Variants in SAMD8 observed in about 807,000 individuals in gnomAD.
SAMD8 encodes the protein sterile alpha motif domain containing 8.
SAMD8 carries 20 observed loss-of-function variants against 42.0 expected under a neutral mutation model. The ratio of observed to expected loss-of-function variants is 0.48; its 90% CI spans 0.34 to 0.69. The LOEUF (loss-of-function observed/expected upper bound fraction) is 0.69, where lower values mean the gene tolerates loss of function less well. SAMD8 is among the 30% of genes least tolerant of loss of function. The pLI, the probability that SAMD8 is intolerant of heterozygous loss-of-function variation, is 0.01. For synonymous variants in SAMD8, 162 were observed against 173.0 expected (o/e 0.94, Z 0.50); for missense variants, 328 against 511.6 (o/e 0.64, Z 3.46).
intron 1 of SAMD8, among the ~76,000 whole-genome samples, chr10:75,134,349 A>G (rs1849338862): frequency 6.6e-6 from 1 of 152,154 alleles, no homozygotes; most frequent in Admixed American, 6.5e-5. Context: ...AAAATAAAAT[A>G]ACAGGCCAGG....
At chr10:75,139,408 A>G (rs1028589706) in intron 1 of SAMD8, among the ~76,000 whole-genome samples, 5 of 152,228 alleles carry the variant, frequency 3.3e-5, no homozygotes, top group African/African-American at 4.8e-5. Context: ...AAGCAATGCA[A>G]TGCCATTTAT....
At chr10:75,158,863 C>T (rs931479186) in intron 2 of SAMD8, among the ~76,000 whole-genome samples, 3 of 152,118 alleles carry the variant, frequency 2.0e-5, no homozygotes, top group African/African-American at 7.2e-5. Context: ...TTTCAAGATT[C>T]ATCCGTACTG....
At chr10:75,111,921 G>C in intron 1 of SAMD8, 199 bp downstream of exon 1, 1 of 603,034 alleles carries the variant, frequency 1.7e-6, no homozygotes, top group East Asian at 3.5e-5. Context: ...CTGAGGGCCT[G>C]AAGGCTGAGG....
chr10:75,137,818 T>C (rs1839926610), intron 1 of SAMD8, among the ~76,000 whole-genome samples: 1 of 152,104 alleles, frequency 6.6e-6, no homozygotes, highest in South Asian at 2.1e-4. Context: ...CACAACATTG[T>C]GAATGTATTT....
At position 75,161,112 on chromosome 10, in the gene SAMD8, A is replaced by G. The variant is rs1840547332; in HGVS notation, c.579-3533A>G. Among the ~76,000 whole-genome samples the G allele has an allele frequency of 2.6e-5, 4 of 152,320 alleles. No individual in the cohort carries two copies. The South Asian group carries it at 8.3e-4, about 32-fold the overall frequency. ...GCTTTTAGACCTGCTCTACTCTGAC[A>G]GAAGACTAGTGGTCTGTTCTCCAGA... On this transcript the variant is annotated intron_variant, in intron 2 of 5. Coordinates refer to ENST00000542569, the MANE Select transcript of SAMD8 (RefSeq NM_001174156.2).
At chr10:75,104,160 T>G in intron 1 of SAMD8, 1 of 1,222,866 alleles carries the variant, frequency 8.2e-7, no homozygotes, top group East Asian at 5.7e-5. Flanking sequence ...GGCTGGGACT[T>G]GTTGGGGCAG....
intron 1 of SAMD8, chr10:75,103,761 C>G: frequency 1.5e-6 from 1 of 672,814 alleles, no homozygotes; most frequent in South Asian, 1.8e-5. Context: ...CTGCTGGAGA[C>G]AGCTGTGGCC....
chr10:75,110,910 G>C (rs954464550), upstream of SAMD8, among the ~76,000 whole-genome samples: 4 of 152,076 alleles, frequency 2.6e-5, no homozygotes, highest in Admixed American at 2.6e-4. Context: ...CCATTTCCCG[G>C]GTTCAAGCGA....
intron 1 of SAMD8, chr10:75,101,805 T>A: frequency 1.1e-5 from 9 of 831,396 alleles, no homozygotes; most frequent in Non-Finnish European, 1.4e-5. Flanking sequence ...GTCCTGGCCC[T>A]CATTACCCAG....
At chr10:75,121,006 A>T (rs961706997) in intron 1 of SAMD8, among the ~76,000 whole-genome samples, 8 of 151,558 alleles carry the variant, frequency 5.3e-5, no homozygotes, top group Non-Finnish European at 7.4e-5. Context: ...TTGAAGTCTT[A>T]ACCTCAGTGA....
rs542060944 is a variant in SAMD8, at chr10:75,111,696, C to T, written c.-42C>T. ...CTCGGACGCCGACTCGGAGGTGGGTCCGGGGAGCCCGACTCGGACCGCGGA... is the reference window on the plus strand; with the variant it reads ...CTCGGACGCCGACTCGGAGGTGGGTTCGGGGAGCCCGACTCGGACCGCGGA... On this transcript the variant is annotated 5_prime_UTR_variant, in exon 1 of 6. Transcript: ENST00000542569. 3.2e-6 allele frequency: 4 copies of T among 1,235,154 alleles called. No homozygotes were observed. The highest frequency in any genetic ancestry group is 3.2e-5 in the East Asian group (1 of 31,704). 76.5% of individuals were successfully genotyped at this position (1,235,154 alleles called of 1,614,324 possible). A position where few individuals can be genotyped will look rare whatever the true frequency, so the allele number is the denominator to read the frequency against.
intron 1 of SAMD8, among the ~76,000 whole-genome samples, chr10:75,137,944 A>G (rs1589950289): frequency 6.6e-6 from 1 of 152,208 alleles, no homozygotes; most frequent in Non-Finnish European, 1.5e-5. Flanking sequence ...AACCACTACT[A>G]CTTGCCCCAC....
At chr10:75,107,071 CA>C (rs1564668003), upstream of SAMD8, among the ~76,000 whole-genome samples, 1 of 152,152 alleles carries the variant, frequency 6.6e-6, no homozygotes, top group East Asian at 1.9e-4. Flanking sequence ...TGCGGTGGCT[CA>C]TGCCTATAAT....
upstream of SAMD8, chr10:75,108,363 T>C (rs890965754): frequency 2.2e-6 from 3 of 1,366,530 alleles, no homozygotes; most frequent in Admixed American, 5.9e-5. Context: ...TCCACAGCCC[T>C]ATACCCAGAG....
intron 1 of SAMD8, among the ~76,000 whole-genome samples, chr10:75,130,772 C>T (rs190887266): frequency 1.6e-4 from 24 of 152,190 alleles, no homozygotes; most frequent in Admixed American, 8.5e-4. Context: ...AATCCTGGCT[C>T]GGACAATTTC....
chr10:75,151,781 G>A (rs1840293895), intron 2 of SAMD8, among the ~76,000 whole-genome samples: 2 of 152,168 alleles, frequency 1.3e-5, no homozygotes, highest in South Asian at 4.1e-4. Flanking sequence ...CCACCTCCCT[G>A]GTTCAAGCCA....
At chr10:75,125,131 T>A (rs1849099838) in intron 1 of SAMD8, 1 of 152,192 alleles carries the variant, frequency 6.6e-6, no homozygotes, top group Non-Finnish European at 1.5e-5. Context: ...ATCCTCTTTT[T>A]CAGCTATCTG....
intron 1 of SAMD8, among the ~76,000 whole-genome samples, chr10:75,122,840 G>C (rs1336717699): frequency 6.6e-6 from 1 of 152,044 alleles, no homozygotes. Flanking sequence ...AATTTTGTTA[G>C]ATGCTTTTTT....
intron 1 of SAMD8, among the ~76,000 whole-genome samples, chr10:75,114,747 G>C (rs147542557): frequency 6.6e-6 from 1 of 152,118 alleles, no homozygotes; most frequent in Non-Finnish European, 1.5e-5. Flanking sequence ...TAGCATGCCC[G>C]TTAATTTATG....
Sources: allele counts gnomAD v4.1 joint callset (sites outside exome capture counted in the v4.1 genomes callset), GRCh38; gene constraint gnomAD v4.1.1; transcripts MANE v1.5; gene names NCBI Gene and HGNC (gene_info 2026-07-23, HGNC 2026-07-21).